The following C10orf90 variants were observed in gnomAD, a reference collection of about 807,000 sequenced individuals.
C10orf90 encodes the protein (E2-independent) E3 ubiquitin-conjugating enzyme FATS.
In C10orf90, 56 loss-of-function variants were observed where a neutral mutation model predicts 62.5. That is an observed-to-expected ratio of 0.90 (90% CI 0.72 to 1.12). The LOEUF is 1.12. Ranked by LOEUF, C10orf90 falls within the 50% of genes most tolerant of loss-of-function variation. The probability of loss-of-function intolerance (pLI) is 0.00; values close to 1 mark genes in which losing one functional copy is unlikely to be tolerated. For missense variants in C10orf90, 970 were observed against 880.4 expected (o/e 1.10, Z -1.29); for synonymous variants, 386 against 340.4 (o/e 1.13, Z -1.47).
At chr10:126,657,143 T>A (rs1269393696) in intron 1 of C10orf90, among the ~76,000 whole-genome samples, 3 of 152,018 alleles carry the variant, frequency 2.0e-5, no homozygotes, top group East Asian at 3.9e-4. Flanking sequence ...TTTTGAATGT[T>A]TTTTTTTAAT....
intron 4 of C10orf90, among the ~76,000 whole-genome samples, chr10:126,472,835 T>C (rs1010980546): frequency 6.6e-6 from 1 of 152,156 alleles, no homozygotes; most frequent in Non-Finnish European, 1.5e-5. Context: ...TGTGTGTGTG[T>C]GTCTGCGTGT....
chr10:126,596,727 A>G (rs974628193), intron 2 of C10orf90, among the ~76,000 whole-genome samples: 6 of 152,196 alleles, frequency 3.9e-5, no homozygotes, highest in Non-Finnish European at 4.4e-5. Flanking sequence ...GAGAAACAGA[A>G]TGGTTGTATG....
Position 126,605,620 on chromosome 10 carries a change from T to C in C10orf90, c.313+40945A>G, listed in dbSNP as rs1845291771. ...GCAGAGAATGTGGATCCAGCCTTTT[T>C]AGCCAAGGAGAAAAGGAGGTTCCAA... On this transcript the variant is annotated intron_variant, in intron 2 of 9. Coordinates refer to ENST00000488181, the MANE Select transcript of C10orf90 (RefSeq NM_001350921.2). Among the ~76,000 whole-genome samples, 6 of 152,154 alleles carry C rather than the reference T, an allele frequency of 3.9e-5. No homozygotes were observed. The South Asian group carries it at 1.2e-3, about 32-fold the overall frequency.
intron 1 of C10orf90, among the ~76,000 whole-genome samples, chr10:126,669,949 G>A (rs1025052725): frequency 6.6e-6 from 1 of 152,026 alleles, no homozygotes; most frequent in South Asian, 2.1e-4. Flanking sequence ...TCTAAACATG[G>A]ATACAAATTA....
intron 4 of C10orf90, among the ~76,000 whole-genome samples, chr10:126,495,908 T>C (rs1862022778): frequency 6.6e-6 from 1 of 152,170 alleles, no homozygotes; most frequent in Non-Finnish European, 1.5e-5. Flanking sequence ...CAAAATGGTT[T>C]GAGTCCCCAC....
chr10:126,605,120 A>G (rs1845279105), intron 2 of C10orf90, among the ~76,000 whole-genome samples: 1 of 152,224 alleles, frequency 6.6e-6, no homozygotes, highest in African/African-American at 2.4e-5. Context: ...TAAACTTACA[A>G]CTAAGAAATA....
intron 2 of C10orf90, among the ~76,000 whole-genome samples, chr10:126,630,227 G>A (rs920791102): frequency 6.6e-6 from 1 of 152,114 alleles, no homozygotes. Context: ...TCACCAACAC[G>A]CTGCTCTGCC....
intron 7 of C10orf90, among the ~76,000 whole-genome samples, chr10:126,445,805 G>GTGTATATATATATATA (rs1554886858): frequency 9.9e-6 from 1 of 100,732 alleles, no homozygotes; most frequent in African/African-American, 3.9e-5. Flanking sequence ...AAACTGTGGT[G>GTGTATATATATATATA]TATATATATA....
rs1483414359 is a variant in C10orf90 at position 126,456,741 on chromosome 10, T to C, written c.2188+2299A>G. 6.6e-6 allele frequency among the ~76,000 whole-genome samples: 1 copy of C among 151,976 alleles called. No individual in the cohort carries two copies. Among genetic ancestry groups the C allele is most frequent in the Non-Finnish European group, 1.5e-5 (1 of 67,992 alleles). ...TTTATGAGAAAAGGAAATTTGAACA[T>C]AGAGACACAGACGCAGGGAGGATGG... On this transcript the variant is annotated intron_variant, in intron 7 of 9. Transcript: ENST00000488181. The surrounding 1 kb of genome is among the most constrained non-coding windows in gnomAD (Gnocchi z 4.9).
chr10:126,565,382 T>C (rs1274382412), intron 2 of C10orf90, among the ~76,000 whole-genome samples: 1 of 76,604 alleles, frequency 1.3e-5, no homozygotes, highest in Non-Finnish European at 2.3e-5. Flanking sequence ...TATAATAATA[T>C]ATATTATATA....
chr10:126,603,521 C>T (rs1257500596), intron 2 of C10orf90, among the ~76,000 whole-genome samples: 1 of 152,088 alleles, frequency 6.6e-6, no homozygotes, highest in Non-Finnish European at 1.5e-5. Context: ...TGCATGTCAT[C>T]CGATGTTGTG....
At chr10:126,534,861 G>A (rs559657376) in intron 2 of C10orf90, among the ~76,000 whole-genome samples, 108 of 152,204 alleles carry the variant, frequency 7.1e-4, no homozygotes, top group Non-Finnish European at 1.4e-3. Context: ...CTCTGCACTC[G>A]CATTTGTTTC....
At chr10:126,636,427 A>C (rs551156788) in intron 2 of C10orf90, among the ~76,000 whole-genome samples, 23 of 152,326 alleles carry the variant, frequency 1.5e-4, no homozygotes, top group African/African-American at 5.3e-4. Flanking sequence ...CGTTCCAAAA[A>C]AAAGATGCTG....
chr10:126,467,344 C>T (rs1860348561), intron 4 of C10orf90, among the ~76,000 whole-genome samples: 1 of 152,234 alleles, frequency 6.6e-6, no homozygotes, highest in Admixed American at 6.5e-5. Flanking sequence ...CTGAAACGTA[C>T]AATCGTCAGC....
intron 4 of C10orf90, among the ~76,000 whole-genome samples, chr10:126,492,485 C>T (rs188987772): frequency 4.1e-4 from 62 of 152,322 alleles, no homozygotes; most frequent in Middle Eastern, 6.8e-3. Flanking sequence ...ATCTCTGTAA[C>T]TCTTGTTAAT....
chr10:126,593,173 A>G (rs886632400), intron 2 of C10orf90, among the ~76,000 whole-genome samples: 4 of 152,214 alleles, frequency 2.6e-5, no homozygotes, highest in Admixed American at 6.5e-5. Context: ...TGACCCAGCA[A>G]TCCTATTCCT....
chr10:126,565,013 A>T (rs368348726), intron 2 of C10orf90, among the ~76,000 whole-genome samples: 3 of 12,898 alleles, frequency 2.3e-4, no homozygotes, highest in Non-Finnish European at 3.0e-4. Flanking sequence ...TAATATATAT[A>T]ATATATATTA....
intron 1 of C10orf90, among the ~76,000 whole-genome samples, chr10:126,667,120 A>G (rs1402393319): frequency 6.6e-6 from 1 of 151,792 alleles, no homozygotes; most frequent in Non-Finnish European, 1.5e-5. Flanking sequence ...GTGCAGTGGC[A>G]CAATCTCGGC....
intron 2 of C10orf90, among the ~76,000 whole-genome samples, chr10:126,605,787 C>T (rs980898237): frequency 6.6e-6 from 1 of 151,976 alleles, no homozygotes; most frequent in Non-Finnish European, 1.5e-5. Flanking sequence ...CTCAACAGCC[C>T]AAGAGTGGAG....
Sources: allele counts gnomAD v4.1 joint callset (sites outside exome capture counted in the v4.1 genomes callset), GRCh38; gene constraint gnomAD v4.1.1; non-coding constraint Gnocchi (gnomAD v3.1); transcripts MANE v1.5; gene names NCBI Gene and HGNC (gene_info 2026-07-23, HGNC 2026-07-21).